ARID1B: variants seen among roughly 807,000 people sequenced by gnomAD.
ARID1B encodes AT-rich interactive domain-containing protein 1B.
ARID1B carries 30 observed loss-of-function variants against 212.3 expected under a neutral mutation model. That is an observed-to-expected ratio of 0.14 (90% confidence interval 0.11 to 0.19). ARID1B has a LOEUF of 0.19. ARID1B is among the 10% of genes least tolerant of loss of function. The pLI is 1.00. For missense variants in ARID1B, 2,891 were observed against 3,204.0 expected, an observed-to-expected ratio of 0.90 and a Z score of 2.36; for synonymous variants, 1,402 against 1,301.7, an observed-to-expected ratio of 1.08 and a Z score of -1.66.
At chr6:156,966,415 CAG>C (rs1173971770) in intron 4 of ARID1B, among the ~76,000 whole-genome samples, 7 of 102,192 alleles carry the variant, frequency 6.8e-5, no homozygotes, top group African/African-American at 2.9e-4. Context: ...TTTTTTGAGA[CAG>C]AGGTTTACCC....
chr6:156,910,585 G>A (rs1342326266), intron 3 of ARID1B, among the ~76,000 whole-genome samples: 1 of 152,122 alleles, frequency 6.6e-6, no homozygotes, highest in Non-Finnish European at 1.5e-5. Flanking sequence ...CTCTCTGGGT[G>A]TTCTTCATGT....
At chr6:156,860,866 T>C (rs1440488079) in intron 2 of ARID1B, among the ~76,000 whole-genome samples, 1 of 152,238 alleles carries the variant, frequency 6.6e-6, no homozygotes, top group Non-Finnish European at 1.5e-5. Context: ...TCTGGATCTC[T>C]TTAGAAAAAG....
At chr6:156,977,284 C>CT (rs199671090) in intron 4 of ARID1B, among the ~76,000 whole-genome samples, 1,329 of 128,748 alleles carry the variant, frequency 0.01, 11 homozygotes, top group African/African-American at 0.024. Context: ...CCTGTCTCCT[C>CT]TTTTTTTTTT....
chr6:156,895,432 T>C (rs191056033), intron 2 of ARID1B, among the ~76,000 whole-genome samples: 3 of 152,292 alleles, frequency 2.0e-5, no homozygotes, highest in African/African-American at 4.8e-5. Context: ...AGCTATGGCC[T>C]GGAGTGTCCT....
intron 4 of ARID1B, among the ~76,000 whole-genome samples, chr6:156,981,300 A>G (rs555769581): frequency 6.6e-6 from 1 of 152,326 alleles, no homozygotes; most frequent in Non-Finnish European, 1.5e-5. Context: ...GGATCAGGCA[A>G]TGGAGAGTCT....
chr6:156,823,561 A>G (rs896626567), intron 1 of ARID1B, among the ~76,000 whole-genome samples: 5 of 152,166 alleles, frequency 3.3e-5, no homozygotes, highest in Admixed American at 6.5e-5. Flanking sequence ...TGGTAAGAGA[A>G]TGTTGTTTCC....
intron 4 of ARID1B, among the ~76,000 whole-genome samples, chr6:156,971,112 G>A (rs12204990): frequency 1.3e-5 from 2 of 151,960 alleles, no homozygotes; most frequent in African/African-American, 4.8e-5. Context: ...TAATTACCAG[G>A]GAATTAAAAC....
At chr6:156,800,735 CGTCTCTACAA>C (rs1780721405) in intron 1 of ARID1B, among the ~76,000 whole-genome samples, 1 of 151,840 alleles carries the variant, frequency 6.6e-6, no homozygotes, top group South Asian at 2.1e-4. Context: ...AGTAAGACCC[CGTCTCTACAA>C]AAAATTAAAA....
chr6:157,102,735 T>G (rs1562619597), intron 5 of ARID1B, among the ~76,000 whole-genome samples: 1 of 150,888 alleles, frequency 6.6e-6, no homozygotes, highest in Non-Finnish European at 1.5e-5. Flanking sequence ...TGGCTGAGAT[T>G]ACAGGTGTAC....
chr6:156,919,079 G>A (rs186937874), intron 3 of ARID1B, among the ~76,000 whole-genome samples: 226 of 152,310 alleles, frequency 1.5e-3, no homozygotes, highest in African/African-American at 5.1e-3. Context: ...TTTTGAGAAT[G>A]TTAGAATGTC....
chr6:157,126,993 A>G (rs1788178236), intron 6 of ARID1B, among the ~76,000 whole-genome samples: 1 of 152,238 alleles, frequency 6.6e-6, no homozygotes, highest in African/African-American at 2.4e-5. Flanking sequence ...CAAATATGTC[A>G]CCATAAATAG....
At chr6:156,881,436 A>G (rs548253713) in intron 2 of ARID1B, among the ~76,000 whole-genome samples, 1 of 152,268 alleles carries the variant, frequency 6.6e-6, no homozygotes, top group East Asian at 1.9e-4. Context: ...TTAAAAATAT[A>G]TGTATGTATA....
rs548603375 is a variant in ARID1B at position 157,207,637 on chromosome 6, G to T, written c.6865G>T (p.Gly2289Trp). 6.2e-7 allele frequency: 1 copy of T among 1,614,166 alleles called. No homozygotes were observed. The highest frequency in any genetic ancestry group is 2.2e-5 in the East Asian group (1 of 44,886). ...AAACTTGATAAGCTTCCTAGAGGAT[G>T]GGGTCACGATGGCCCAGTACCAGCA... ...IGNLISFLED[G>W]VTMAQYQQSQ... The change falls in exon 20 of 20, where the codon GGG becomes TGG. Residue 2289 changes from glycine (G) to tryptophan (W), a missense_variant. By Grantham distance (184) the Gly-to-Trp change is radical. This residue lies in a region of ARID1B where 187 missense variants were observed against 306.5 expected (regional missense o/e 0.61). Transcript: ENST00000636930. The surrounding 1 kb of genome is among the most constrained non-coding windows in gnomAD (Gnocchi z 8.5).
intron 2 of ARID1B, among the ~76,000 whole-genome samples, chr6:156,877,823 C>A (rs778392645): frequency 4.4e-4 from 67 of 152,034 alleles, no homozygotes; most frequent in South Asian, 4.1e-4. Context: ...ACTTCTCGTG[C>A]CCCAGCCTCC....
chr6:156,991,800 A>C (rs973152525), intron 4 of ARID1B, among the ~76,000 whole-genome samples: 22 of 152,200 alleles, frequency 1.4e-4, no homozygotes, highest in Non-Finnish European at 1.0e-4. Context: ...GTATTTCAAA[A>C]GTTCTATTGA....
chr6:156,788,000 C>T (rs1284995723), intron 1 of ARID1B, among the ~76,000 whole-genome samples: 1 of 152,048 alleles, frequency 6.6e-6, no homozygotes, highest in Admixed American at 6.6e-5. Context: ...GTATGTGGCC[C>T]CTCTCTTCTC....
At chr6:157,096,969 G>A (rs1468725770) in intron 5 of ARID1B, among the ~76,000 whole-genome samples, 1 of 152,230 alleles carries the variant, frequency 6.6e-6, no homozygotes, top group Non-Finnish European at 1.5e-5. Context: ...ATTGTGAAGT[G>A]TTGATTTATC....
At chr6:156,793,035 T>C (rs1200937285) in intron 1 of ARID1B, among the ~76,000 whole-genome samples, 1 of 152,176 alleles carries the variant, frequency 6.6e-6, no homozygotes, top group Non-Finnish European at 1.5e-5. Context: ...GCAGTTCGCA[T>C]GGCAGGCATA....
intron 4 of ARID1B, among the ~76,000 whole-genome samples, chr6:157,050,659 G>C (rs1782540426): frequency 6.6e-6 from 1 of 152,160 alleles, no homozygotes; most frequent in Admixed American, 6.5e-5. Flanking sequence ...TTCAATTTTG[G>C]TAGTAAATAA....
Sources: gnomAD v4.1 joint callset for allele counts (sites outside exome capture counted in the v4.1 genomes callset) on GRCh38, gnomAD v4.1.1 for gene constraint, gnomAD v4.1.1 regional missense constraint, Gnocchi (gnomAD v3.1) non-coding constraint, MANE v1.5 for transcripts, NCBI Gene and HGNC (gene_info 2026-07-23, HGNC 2026-07-21) for gene names.